The following SERPINB6 variants were observed in gnomAD, a reference collection of about 807,000 sequenced individuals.
The protein encoded by SERPINB6 is serpin B6.
A neutral mutation model predicts 26.1 loss-of-function variants in SERPINB6; 16 were observed. The ratio of observed to expected loss-of-function variants is 0.61; its 90% confidence interval spans 0.42 to 0.93. The LOEUF (loss-of-function observed/expected upper bound fraction) is 0.93, where lower values mean the gene tolerates loss of function less well. SERPINB6 is among the 40% of genes least tolerant of loss of function. The probability of loss-of-function intolerance (pLI) is 0.00; values close to 1 mark genes in which losing one functional copy is unlikely to be tolerated. For missense variants in SERPINB6, 420 were observed against 478.0 expected (o/e 0.88, Z 1.13); for synonymous variants, 174 against 176.6 (o/e 0.99, Z 0.11).
chr6:2,965,246 T>A lies in SERPINB6; in HGVS notation c.-10-5904A>T, dbSNP rs778505541. ...CAGGTCAGTCAAACCCTTTCAGTAC[T>A]TTTTTCATATGCTTCGACACAAGGA... On this transcript the variant is annotated intron_variant, in intron 1 of 6. Coordinates refer to ENST00000380539, the MANE Select transcript of SERPINB6 (RefSeq NM_004568.6). 1.3e-4 allele frequency among the ~76,000 whole-genome samples: 20 copies of A among 152,354 alleles called. No individual in the cohort carries two copies. The Middle Eastern group carries it at 0.01, about 78-fold the overall frequency.
At chr6:2,959,547 T>A in intron 1 of SERPINB6, 1 of 603,092 alleles carries the variant, frequency 1.7e-6, no homozygotes, top group Non-Finnish European at 2.9e-6. Context: ...GAGTTCTATG[T>A]GAAACGCCGC....
At chr6:2,971,250 G>A in intron 1 of SERPINB6, 2 of 904,404 alleles carry the variant, frequency 2.2e-6, no homozygotes, top group Non-Finnish European at 2.6e-6. Flanking sequence ...CGACTCACCC[G>A]GCCGCGTCGC....
chr6:2,965,737 T>G (rs1052551501), intron 1 of SERPINB6, among the ~76,000 whole-genome samples: 5 of 152,228 alleles, frequency 3.3e-5, no homozygotes, highest in Non-Finnish European at 7.3e-5. Flanking sequence ...CTTTGTTATA[T>G]TTTCCTATTC....
intron 1 of SERPINB6, chr6:2,970,370 T>C (rs1772027706): frequency 4.0e-6 from 4 of 1,003,124 alleles, no homozygotes; most frequent in Non-Finnish European, 4.8e-6. Flanking sequence ...CACATCACAA[T>C]GGATGCAATT....
chr6:2,968,898 G>T, intron 1 of SERPINB6: 1 of 1,228,432 alleles, frequency 8.1e-7, no homozygotes, highest in Non-Finnish European at 1.0e-6. Context: ...TCTTCGGTGT[G>T]GCTATCGGTG....
intron 4 of SERPINB6, 65 bp from the exon 5 acceptor site, chr6:2,953,251 TC>T (rs1283922352): frequency 6.2e-7 from 1 of 1,608,746 alleles, no homozygotes; most frequent in African/African-American, 1.3e-5. Context: ...ACATCAGGAA[TC>T]GGCTGGGGCC....
intron 4 of SERPINB6, among the ~76,000 whole-genome samples, chr6:2,953,813 G>A (rs983151977): frequency 1.3e-5 from 2 of 152,106 alleles, no homozygotes; most frequent in South Asian, 2.1e-4. Flanking sequence ...GGTGGATCAC[G>A]AGGTCAAGAG....
At chr6:2,971,216 A>G in intron 1 of SERPINB6, 1 of 978,752 alleles carries the variant, frequency 1.0e-6, no homozygotes, top group Non-Finnish European at 1.2e-6. Flanking sequence ...CCGCGGCGTC[A>G]CCGGCCGGGC....
At chr6:2,956,890 A>C (rs1462254671) in intron 2 of SERPINB6, 2 of 151,818 alleles carry the variant, frequency 1.3e-5, no homozygotes, top group African/African-American at 4.8e-5. Flanking sequence ...CCAGGTGTCC[A>C]CTGAAACAGC....
At chr6:2,965,658 C>T (rs373510492) in intron 1 of SERPINB6, among the ~76,000 whole-genome samples, 50 of 152,270 alleles carry the variant, frequency 3.3e-4, no homozygotes, top group African/African-American at 1.1e-3. Context: ...GATTACAAAA[C>T]TTATTTCTAT....
intron 4 of SERPINB6, 40 bp from the exon 5 acceptor site, chr6:2,953,226 C>T (rs1288881207): frequency 1.2e-6 from 2 of 1,613,506 alleles, no homozygotes; most frequent in East Asian, 2.2e-5. Context: ...ATAGGGGCGG[C>T]TGCGGATCCC....
At chr6:2,949,613 TA>T (rs1336008973) in intron 5 of SERPINB6, among the ~76,000 whole-genome samples, 2 of 152,196 alleles carry the variant, frequency 1.3e-5, no homozygotes, top group Non-Finnish European at 2.9e-5. Context: ...CTCGAGAATA[TA>T]ACAAAATCTG....
At chr6:2,955,748 C>T in intron 2 of SERPINB6, 78 bp from the exon 3 acceptor site, 1 of 1,515,080 alleles carries the variant, frequency 6.6e-7, no homozygotes, top group Non-Finnish European at 9.1e-7. Flanking sequence ...CCAAACTCAG[C>T]CTAACAACCA....
intron 1 of SERPINB6, 117 bp from the exon 2 acceptor site, chr6:2,959,459 C>T: frequency 2.1e-6 from 2 of 970,154 alleles, no homozygotes; most frequent in Non-Finnish European, 3.3e-6. Flanking sequence ...CAGAAACACA[C>T]ACAGAACTCT....
intron 2 of SERPINB6, chr6:2,958,165 T>C (rs998321761): frequency 2.6e-5 from 4 of 152,268 alleles, no homozygotes; most frequent in Non-Finnish European, 1.5e-5. Context: ...CATGTCCTTA[T>C]AAAAAGAGGA....
At chr6:2,966,205 G>C (rs1771625518) in intron 1 of SERPINB6, among the ~76,000 whole-genome samples, 1 of 152,174 alleles carries the variant, frequency 6.6e-6, no homozygotes, top group Non-Finnish European at 1.5e-5. Flanking sequence ...AGCAATCCTA[G>C]ACACAGTGCA....
At position 2,968,462 on chromosome 6, in the gene SERPINB6, G is replaced by A. The variant is rs1163651505; in HGVS notation, c.-11+3071C>T. On this transcript the variant is annotated intron_variant, in intron 1 of 6. Coordinates refer to ENST00000380539, the MANE Select transcript of SERPINB6 (RefSeq NM_004568.6). ...CTGAACCTAAATAGAGGTTTAAAAG[G>A]TTAAAAAAAAAAAGAAGAAATCATA... is the stretch of plus-strand genomic sequence containing the variant. 8.8e-6 allele frequency: 8 copies of A among 910,070 alleles called. No individual in the cohort carries two copies. In the African/African-American group the frequency reaches 3.3e-4, roughly 37 times the overall value. 56.4% of individuals were successfully genotyped at this position (910,070 alleles called of 1,614,324 possible). A position where few individuals can be genotyped will look rare whatever the true frequency, so the allele number is the denominator to read the frequency against.
At chr6:2,969,168 A>C (rs1321496800) in intron 1 of SERPINB6, 1 of 994,136 alleles carries the variant, frequency 1.0e-6, no homozygotes, top group Non-Finnish European at 1.2e-6. Flanking sequence ...AAATATCAAC[A>C]AATTATAAAC....
At chr6:2,949,146 A>G (rs1028194833) in intron 5 of SERPINB6, 77 bp from the exon 6 acceptor site, 26 of 1,533,060 alleles carry the variant, frequency 1.7e-5, no homozygotes, top group Non-Finnish European at 2.3e-5. Flanking sequence ...GGAGCTGGCC[A>G]CTCTCTGCAG....
Sources: allele counts gnomAD v4.1 joint callset (sites outside exome capture counted in the v4.1 genomes callset), GRCh38; gene constraint gnomAD v4.1.1; transcripts MANE v1.5; gene names NCBI Gene and HGNC (gene_info 2026-07-23, HGNC 2026-07-21).